Variants in ZCCHC4 observed in about 807,000 individuals in gnomAD.
ZCCHC4 encodes zinc finger CCHC-type containing 4, also known as rRNA N(6)-adenosine-methyltransferase ZCCHC4.
In ZCCHC4, 54 loss-of-function variants were observed where a neutral mutation model predicts 67.7. The observed-to-expected ratio is 0.80, with a 90% CI of 0.64 to 1.00. The LOEUF is 1.00. Ranked by LOEUF, ZCCHC4 falls within the 50% of genes least tolerant of loss-of-function variation. ZCCHC4 has a pLI of 0.00. For synonymous variants in ZCCHC4, 198 were observed against 213.5 expected (o/e 0.93, Z 0.63); for missense variants, 609 against 617.0 (o/e 0.99, Z 0.14).
At chr4:25,363,377 TC>T (rs1266944398) in intron 10 of ZCCHC4, among the ~76,000 whole-genome samples, 1 of 152,236 alleles carries the variant, frequency 6.6e-6, no homozygotes, top group African/African-American at 2.4e-5. Context: ...TGAATGATAT[TC>T]CTTTGATGTA....
chr4:25,329,697 G>C (rs1400996246), intron 3 of ZCCHC4, among the ~76,000 whole-genome samples: 1 of 151,876 alleles, frequency 6.6e-6, no homozygotes, highest in Non-Finnish European at 1.5e-5. Context: ...ACCATGCCCA[G>C]CTAATTTTTG....
rs71188998 is a variant in ZCCHC4 at position 25,324,014 on chromosome 4, G to GTTTTT, written c.329+8626_329+8630dup. Among the ~76,000 whole-genome samples the GTTTTT allele has an allele frequency of 4.1e-4, 34 of 82,428 alleles. 7 individuals are homozygous for GTTTTT. The Middle Eastern group carries it at 0.027, about 66-fold the overall frequency. 54.1% of individuals were successfully genotyped at this position (82,428 alleles called of 152,430 possible). A position where few individuals can be genotyped will look rare whatever the true frequency, so the allele number is the denominator to read the frequency against. ...TCGTACAGTATGTACTGTTTTTTGT[G>GTTTTT]TTTTTTTTTTTTTTTTGAGACAGAG... On this transcript the variant is annotated intron_variant, in intron 3 of 12. Transcript: ENST00000302874.
At chr4:25,319,376 C>G (rs1718455759) in intron 3 of ZCCHC4, among the ~76,000 whole-genome samples, 1 of 150,938 alleles carries the variant, frequency 6.6e-6, no homozygotes, top group Admixed American at 6.6e-5. Context: ...GAGAGCGAGA[C>G]TCCGTCTCAA....
intron 8 of ZCCHC4, 137 bp downstream of exon 8, chr4:25,351,826 C>A: frequency 1.0e-6 from 1 of 969,278 alleles, no homozygotes; most frequent in Non-Finnish European, 1.4e-6. Context: ...ATAGCTCAGT[C>A]CAGTGTTTTC....
intron 12 of ZCCHC4, among the ~76,000 whole-genome samples, chr4:25,367,147 T>C (rs1221397199): frequency 2.0e-5 from 3 of 152,194 alleles, no homozygotes; most frequent in Non-Finnish European, 4.4e-5. Context: ...AGCTATCTTA[T>C]ATTAATTTGT....
chr4:25,340,959 T>A (rs1719729485), intron 5 of ZCCHC4, among the ~76,000 whole-genome samples: 1 of 152,156 alleles, frequency 6.6e-6, no homozygotes, highest in Non-Finnish European at 1.5e-5. Context: ...TGAAGACCTT[T>A]ACGGTGACCC....
intron 3 of ZCCHC4, among the ~76,000 whole-genome samples, chr4:25,322,505 T>C (rs569474041): frequency 6.6e-6 from 1 of 152,234 alleles, no homozygotes; most frequent in East Asian, 1.9e-4. Flanking sequence ...AACCACTGAA[T>C]TGTACACTTT....
chr4:25,316,774 T>A (rs187969877), intron 3 of ZCCHC4, among the ~76,000 whole-genome samples: 193 of 152,354 alleles, frequency 1.3e-3, no homozygotes, highest in African/African-American at 4.4e-3. Context: ...GTCTTTTGAC[T>A]TTCTTGATGT....
At chr4:25,319,400 AGAAAG>A (rs1411148678) in intron 3 of ZCCHC4, among the ~76,000 whole-genome samples, 1 of 151,926 alleles carries the variant, frequency 6.6e-6, no homozygotes, top group Non-Finnish European at 1.5e-5. Context: ...AAAAAAAAAA[AGAAAG>A]AAAAGGCTAA....
intron 12 of ZCCHC4, among the ~76,000 whole-genome samples, chr4:25,367,766 A>G (rs1721008293): frequency 6.6e-6 from 1 of 152,220 alleles, no homozygotes; most frequent in Non-Finnish European, 1.5e-5. Context: ...AAAGTTGTCA[A>G]GCAAAATTCT....
At chr4:25,337,357 A>G (rs757237249) in intron 5 of ZCCHC4, among the ~76,000 whole-genome samples, 8 of 152,102 alleles carry the variant, frequency 5.3e-5, no homozygotes, top group Non-Finnish European at 1.0e-4. Context: ...TTCTCTGTGT[A>G]TTGATTTCAT....
intron 5 of ZCCHC4, among the ~76,000 whole-genome samples, chr4:25,337,756 T>A (rs1719530134): frequency 6.6e-6 from 1 of 152,226 alleles, no homozygotes; most frequent in South Asian, 2.1e-4. Context: ...TTTACTTCAG[T>A]GAAAATGGTA....
intron 8 of ZCCHC4, chr4:25,352,023 A>G: frequency 9.9e-7 from 1 of 1,011,778 alleles, no homozygotes; most frequent in Non-Finnish European, 1.2e-6. Context: ...GAGATTTTGC[A>G]GCCCCCCCAC....
At chr4:25,368,905 C>T (rs1208739819) in intron 12 of ZCCHC4, 124 bp from the exon 13 acceptor site, 5 of 1,173,926 alleles carry the variant, frequency 4.3e-6, no homozygotes, top group Admixed American at 6.0e-5. Context: ...TTTATGCTTG[C>T]AATACAGTAG....
intron 5 of ZCCHC4, among the ~76,000 whole-genome samples, chr4:25,340,348 T>C (rs1719678511): frequency 6.6e-6 from 1 of 152,204 alleles, no homozygotes; most frequent in Non-Finnish European, 1.5e-5. Flanking sequence ...TTCTGTTCCA[T>C]TGATCTATGC....
At chr4:25,314,462 G>T (rs1192992239) in intron 2 of ZCCHC4, among the ~76,000 whole-genome samples, 1 of 152,228 alleles carries the variant, frequency 6.6e-6, no homozygotes, top group Non-Finnish European at 1.5e-5. Flanking sequence ...ACCATAGGCT[G>T]TGTGGCTTAA....
rs1478649104 is a variant in ZCCHC4 at position 25,345,567 on chromosome 4, G to C, written c.706G>C (p.Glu236Gln). The change falls in exon 6 of 13, where the codon GAA becomes CAA. Residue 236 changes from glutamate (E) to glutamine (Q), a missense_variant. Transcript: ENST00000302874. Reference protein sequence around the residue: ...IDFRYSQFYMEDSFCHYNMFN... With the variant: ...IDFRYSQFYMQDSFCHYNMFN... ...TTACAGGTATTCACAGTTTTATATG[G>C]AAGATAGCTTTTGCCATTATAATAT... 1 of 1,560,354 alleles carries C rather than the reference G, an allele frequency of 6.4e-7. No homozygotes were observed. The highest frequency in any genetic ancestry group is 1.1e-5 in the South Asian group (1 of 88,694).
intron 7 of ZCCHC4, among the ~76,000 whole-genome samples, chr4:25,350,176 A>G (rs1354439655): frequency 6.6e-6 from 1 of 150,810 alleles, no homozygotes; most frequent in Admixed American, 6.6e-5. Flanking sequence ...TCCCAGCCCT[A>G]TAGGTAGGCT....
intron 3 of ZCCHC4, among the ~76,000 whole-genome samples, chr4:25,324,521 A>T (rs149838052): frequency 2.4e-3 from 363 of 152,286 alleles, no homozygotes; most frequent in African/African-American, 8.3e-3. Context: ...ATGAACATTT[A>T]TGTATATGTC....
Sources: allele counts gnomAD v4.1 joint callset (sites outside exome capture counted in the v4.1 genomes callset), GRCh38; gene constraint gnomAD v4.1.1; transcripts MANE v1.5; gene names NCBI Gene and HGNC (gene_info 2026-07-23, HGNC 2026-07-21).